The following RASA4B variants were observed in gnomAD, a reference collection of about 807,000 sequenced individuals.
RASA4B encodes the protein RAS p21 protein activator 4B.
Under a neutral mutation model 24.2 loss-of-function variants are expected in RASA4B, and 2 were observed. The ratio of observed to expected loss-of-function variants is 0.08; its 90% CI spans 0.03 to 0.26. The LOEUF is 0.26. Among genes scored for constraint, RASA4B ranks in the 10% least tolerant of loss-of-function variants. The probability of loss-of-function intolerance (pLI) is 1.00; values close to 1 mark genes in which losing one functional copy is unlikely to be tolerated. For synonymous variants in RASA4B, 2 were observed against 125.6 expected (o/e 0.02, Z 6.58); for missense variants, 8 against 277.2 (o/e 0.03, Z 6.90).
At chr7:102,492,458 C>T (rs1586765534) in intron 16 of RASA4B, among the ~76,000 whole-genome samples, 1 of 73,800 alleles carries the variant, frequency 1.4e-5, no homozygotes, top group Non-Finnish European at 3.6e-5. Context: ...GCCAAGATTC[C>T]GTGCTTCTAT....
intron 5 of RASA4B, among the ~76,000 whole-genome samples, chr7:102,504,862 G>A (rs1412083636): frequency 7.0e-6 from 1 of 143,262 alleles, no homozygotes; most frequent in African/African-American, 2.7e-5. Flanking sequence ...TTAGCCGGGC[G>A]TGGTGGTGCA....
At chr7:102,485,768 ACTGT>A (rs1298136084) in intron 18 of RASA4B, among the ~76,000 whole-genome samples, 3 of 120,662 alleles carry the variant, frequency 2.5e-5, no homozygotes, top group African/African-American at 8.8e-5. Context: ...TTTCTGGAAG[ACTGT>A]CTGCCTGGAA....
At chr7:102,506,260 T>A (rs1428820944) in intron 5 of RASA4B, among the ~76,000 whole-genome samples, 1 of 152,280 alleles carries the variant, frequency 6.6e-6, no homozygotes, top group Non-Finnish European at 1.5e-5. Context: ...CTTTCTTTTT[T>A]ATTTTTTTTG....
chr7:102,491,698 CG>C (rs2133312187), intron 16 of RASA4B, among the ~76,000 whole-genome samples: 1 of 69,372 alleles, frequency 1.4e-5, no homozygotes, highest in African/African-American at 3.2e-5. Context: ...ACCCGGGAGG[CG>C]GAGGTTGCGG....
intron 1 of RASA4B, among the ~76,000 whole-genome samples, chr7:102,513,196 G>C (rs1471430637): frequency 7.1e-6 from 1 of 140,992 alleles, no homozygotes; most frequent in African/African-American, 2.6e-5. Context: ...CCCCAGGACG[G>C]GACGGGGAGG....
At chr7:102,490,793 G>GAGCTCAGGC (rs1798908977) in intron 17 of RASA4B, among the ~76,000 whole-genome samples, 193 bp downstream of exon 17, 4 of 27,348 alleles carry the variant, frequency 1.5e-4, no homozygotes, top group Non-Finnish European at 3.6e-4. Flanking sequence ...AGCACCCAGG[G>GAGCTCAGGC]CATTCCCATA....
chr7:102,515,018 A>T (rs2133353454), intron 1 of RASA4B, among the ~76,000 whole-genome samples: 1 of 119,274 alleles, frequency 8.4e-6, no homozygotes, highest in South Asian at 3.1e-4. Flanking sequence ...GGCAGCTGGC[A>T]GCTGTGTGAG....
At chr7:102,489,614 C>A (rs1265127175) in intron 17 of RASA4B, among the ~76,000 whole-genome samples, 11 of 149,072 alleles carry the variant, frequency 7.4e-5, no homozygotes, top group African/African-American at 2.7e-4. Flanking sequence ...TGCCTCAGCC[C>A]CCCAAGTAGC....
intron 8 of RASA4B, among the ~76,000 whole-genome samples, chr7:102,498,187 C>T (rs1166782335): frequency 2.8e-5 from 4 of 143,612 alleles, no homozygotes; most frequent in African/African-American, 1.0e-4. Flanking sequence ...GCATGCGCCA[C>T]CATACCCGGC....
chr7:102,506,282 C>T (rs1274605934), intron 5 of RASA4B, among the ~76,000 whole-genome samples: 9 of 152,244 alleles, frequency 5.9e-5, no homozygotes, highest in African/African-American at 1.9e-4. Flanking sequence ...GATACAGTCT[C>T]GCTTGTCACC....
intron 8 of RASA4B, among the ~76,000 whole-genome samples, 169 bp from the exon 9 acceptor site, chr7:102,497,133 T>C (rs562092069): frequency 1.3e-3 from 195 of 147,360 alleles, no homozygotes; most frequent in Admixed American, 1.8e-3. Flanking sequence ...GCCCGGGCTA[T>C]TTATTTTCTG....
intron 8 of RASA4B, among the ~76,000 whole-genome samples, chr7:102,498,232 A>T (rs1799231339): frequency 6.7e-6 from 1 of 149,058 alleles, no homozygotes; most frequent in East Asian, 2.0e-4. Flanking sequence ...GGTATGTCTC[A>T]AATAGTGCAT....
intron 8 of RASA4B, among the ~76,000 whole-genome samples, chr7:102,499,074 C>T: frequency 1.2e-5 from 1 of 83,722 alleles, no homozygotes; most frequent in African/African-American, 3.4e-5. Context: ...CCCAGCTACT[C>T]GGGAGGCTGA....
At chr7:102,491,684 T>G (rs1798950165) in intron 16 of RASA4B, among the ~76,000 whole-genome samples, 1 of 78,374 alleles carries the variant, frequency 1.3e-5, no homozygotes, top group Non-Finnish European at 3.6e-5. Flanking sequence ...GGAGAATCGC[T>G]TGAACCCGGG....
At position 102,512,788 on chromosome 7, in the gene RASA4B, GA is replaced by G. The variant is rs1375714389; in HGVS notation, c.66-808del. ...AGTAAGAGGGAGGGGGAGACTGAGT[GA>G]GGGGGTGAGAGGGAGGGGGAGAGAG... On this transcript the variant is annotated intron_variant, in intron 1 of 20. Coordinates refer to ENST00000465829, the MANE Select transcript of RASA4B (RefSeq NM_001367767.2). Among the ~76,000 whole-genome samples, 3 of 147,654 alleles carry G rather than the reference GA, an allele frequency of 2.0e-5. No homozygotes were observed. The East Asian group carries it at 6.1e-4, about 30-fold the overall frequency.
At chr7:102,489,658 A>C (rs1199185551) in intron 17 of RASA4B, among the ~76,000 whole-genome samples, 1 of 148,342 alleles carries the variant, frequency 6.7e-6, no homozygotes, top group Non-Finnish European at 1.5e-5. Context: ...ACACCCGGCT[A>C]CTTTTTGTAC....
chr7:102,492,773 C>T (rs1175112499), intron 16 of RASA4B, among the ~76,000 whole-genome samples: 34 of 90,768 alleles, frequency 3.7e-4, no homozygotes, highest in Non-Finnish European at 7.1e-4. Flanking sequence ...CAAGCGATTC[C>T]CGTGCCTCAG....
intron 16 of RASA4B, among the ~76,000 whole-genome samples, chr7:102,492,656 C>G (rs1798992667): frequency 6.9e-6 from 1 of 144,248 alleles, no homozygotes; most frequent in Non-Finnish European, 1.6e-5. Flanking sequence ...GGATCAACTT[C>G]CTCCATATTC....
intron 16 of RASA4B, among the ~76,000 whole-genome samples, chr7:102,492,912 C>T (rs1203310346): frequency 7.6e-4 from 110 of 145,686 alleles, no homozygotes; most frequent in African/African-American, 2.2e-3. Context: ...GTGATCCACC[C>T]GCCTTGGCCT....
Sources: allele counts gnomAD v4.1 joint callset (sites outside exome capture counted in the v4.1 genomes callset), GRCh38; gene constraint gnomAD v4.1.1; transcripts MANE v1.5; gene names NCBI Gene and HGNC (gene_info 2026-07-23, HGNC 2026-07-21).